Variants in SULF2 observed in about 807,000 individuals in gnomAD.
SULF2 encodes the protein extracellular sulfatase Sulf-2.
Under a neutral mutation model 107.7 loss-of-function variants are expected in SULF2, and 52 were observed. The ratio of observed to expected loss-of-function variants is 0.48; its 90% CI spans 0.39 to 0.61. SULF2 has a LOEUF of 0.61. SULF2 is among the 20% of genes least tolerant of loss of function. The pLI is 0.00. For synonymous variants in SULF2, 460 were observed against 464.3 expected (o/e 0.99, Z 0.12); for missense variants, 993 against 1,177.3 (o/e 0.84, Z 2.29).
chr20:47,710,883 G>A (rs1373424773), intron 3 of SULF2, among the ~76,000 whole-genome samples: 1 of 152,174 alleles, frequency 6.6e-6, no homozygotes, highest in East Asian at 1.9e-4. Flanking sequence ...TGCTCCTGGG[G>A]AACGATTCGG....
intron 5 of SULF2, 30 bp from the exon 6 acceptor site, chr20:47,684,611 A>G: frequency 6.2e-7 from 1 of 1,607,194 alleles, no homozygotes; most frequent in Non-Finnish European, 8.5e-7. Context: ...ACATCGGTCA[A>G]ACCCAGGGAC....
At position 47,741,697 on chromosome 20, in the gene SULF2, G is replaced by A. The variant is rs115531866; in HGVS notation, c.176-4755C>T. Among the ~76,000 whole-genome samples, 1,196 of 152,206 alleles carry A rather than the reference G, an allele frequency of 7.9e-3. 25 individuals are homozygous for A. The highest frequency in any genetic ancestry group is 0.027 in the African/African-American group (1,125 of 41,498). On this transcript the variant is annotated intron_variant, in intron 2 of 20. Coordinates refer to ENST00000688720, the MANE Select transcript of SULF2 (RefSeq NM_001387048.1). Reference sequence around the variant, plus strand: ...TCCTTTGCTCCCTAGTCCCAAACACGAAGGAGAAAGGACGAAGCAGCTGGT... The same window carrying A: ...TCCTTTGCTCCCTAGTCCCAAACACAAAGGAGAAAGGACGAAGCAGCTGGT...
At chr20:47,676,448 T>G (rs2087642940) in intron 10 of SULF2, 46 bp downstream of exon 10, 1 of 1,591,078 alleles carries the variant, frequency 6.3e-7, no homozygotes, top group Non-Finnish European at 8.5e-7. Context: ...CAGGGCCGGC[T>G]GCAGTCAGGA....
intron 18 of SULF2, among the ~76,000 whole-genome samples, chr20:47,661,233 C>T (rs147080783): frequency 5.3e-4 from 81 of 152,190 alleles, no homozygotes; most frequent in Admixed American, 4.1e-3. Context: ...CTTCCTGGAG[C>T]GCCAGCCCTC....
chr20:47,663,740 G>A, intron 15 of SULF2, 118 bp from the exon 16 acceptor site: 2 of 1,206,258 alleles, frequency 1.7e-6, no homozygotes, highest in Non-Finnish European at 2.3e-6. Context: ...AGAGCCATGG[G>A]CATAGCAATT....
intron 3 of SULF2, among the ~76,000 whole-genome samples, chr20:47,734,579 G>T (rs921274448): frequency 1.3e-5 from 2 of 152,198 alleles, no homozygotes; most frequent in Non-Finnish European, 2.9e-5. Context: ...CCAGGGCAAA[G>T]AGGGAAACTA....
chr20:47,709,271 G>C (rs1047916881), intron 3 of SULF2, among the ~76,000 whole-genome samples: 1 of 152,172 alleles, frequency 6.6e-6, no homozygotes, highest in East Asian at 1.9e-4. Flanking sequence ...GGGGGCTGGC[G>C]TGGGGGTGGG....
rs145504861 is a variant in SULF2, at chr20:47,695,855, C to T, written c.568-5560G>A. Among the ~76,000 whole-genome samples the T allele has an allele frequency of 4.5e-3, 686 of 152,330 alleles. 3 individuals carry two copies. The highest frequency in any genetic ancestry group is 0.016 in the African/African-American group (648 of 41,576). On this transcript the variant is annotated intron_variant, in intron 4 of 20. Transcript: ENST00000688720. ...CTCGAACTCCTGGCCTCAAGTGATC[C>T]GCCTGGTTTGGCCTCCCAAAGTGCT...
chr20:47,669,371 G>A (rs1004508649), intron 11 of SULF2, among the ~76,000 whole-genome samples: 8 of 152,166 alleles, frequency 5.3e-5, no homozygotes, highest in African/African-American at 1.9e-4. Flanking sequence ...TTTGGGGTCA[G>A]ATCAAACTCT....
intron 6 of SULF2, among the ~76,000 whole-genome samples, chr20:47,684,058 A>G (rs1321061824): frequency 6.6e-6 from 1 of 152,182 alleles, no homozygotes; most frequent in Non-Finnish European, 1.5e-5. Context: ...ATGTCCTAAC[A>G]TGGATGTGGT....
intron 20 of SULF2, 120 bp from the exon 21 acceptor site, chr20:47,658,512 G>C: frequency 1.8e-6 from 2 of 1,126,170 alleles, no homozygotes; most frequent in Non-Finnish European, 2.7e-6. Flanking sequence ...AATATTTCTA[G>C]GTTACTTAGA....
chr20:47,676,849 T>C (rs1416820283), intron 9 of SULF2, among the ~76,000 whole-genome samples: 1 of 152,226 alleles, frequency 6.6e-6, no homozygotes, highest in Non-Finnish European at 1.5e-5. Context: ...TTAAATAAAT[T>C]GAAGACATTG....
At chr20:47,768,428 T>C (rs1018198021) in intron 1 of SULF2, among the ~76,000 whole-genome samples, 3 of 152,252 alleles carry the variant, frequency 2.0e-5, no homozygotes, top group African/African-American at 7.2e-5. Flanking sequence ...CTTTTTTCAA[T>C]TAGGTCATTC....
chr20:47,743,301 G>A (rs528093408), intron 2 of SULF2, among the ~76,000 whole-genome samples: 2 of 150,082 alleles, frequency 1.3e-5, no homozygotes, highest in African/African-American at 2.5e-5. Context: ...TCTATTCTCC[G>A]TTTGGTGGCC....
chr20:47,775,505 A>G (rs1348346752), intron 1 of SULF2, among the ~76,000 whole-genome samples: 2 of 152,244 alleles, frequency 1.3e-5, no homozygotes, highest in Admixed American at 6.5e-5. Context: ...GTGGTTTGTT[A>G]TACAGCAGAA....
At chr20:47,721,969 G>A (rs558877870) in intron 3 of SULF2, among the ~76,000 whole-genome samples, 7 of 152,272 alleles carry the variant, frequency 4.6e-5, no homozygotes, top group African/African-American at 1.7e-4. Flanking sequence ...GGAGCCCTTG[G>A]AAAGAGGCCT....
intron 11 of SULF2, 50 bp downstream of exon 11, chr20:47,672,148 A>C (rs1230558943): frequency 1.9e-6 from 3 of 1,544,226 alleles, no homozygotes; most frequent in Non-Finnish European, 2.6e-6. Context: ...GGGGCCCCCC[A>C]GGCATGGTCT....
chr20:47,732,753 G>C (rs1006374742), intron 3 of SULF2, among the ~76,000 whole-genome samples: 1 of 152,180 alleles, frequency 6.6e-6, no homozygotes, highest in African/African-American at 2.4e-5. Context: ...TGAGGCAGGA[G>C]AATCGCTTGA....
chr20:47,715,664 C>T lies in SULF2; in HGVS notation c.416-12994G>A, dbSNP rs972620773. Among the ~76,000 whole-genome samples the T allele has an allele frequency of 2.8e-4, 42 of 151,754 alleles. 1 individual carries two copies. The highest frequency in any genetic ancestry group is 9.7e-4 in the African/African-American group (40 of 41,410). On this transcript the variant is annotated intron_variant, in intron 3 of 20. Coordinates refer to ENST00000688720, the MANE Select transcript of SULF2 (RefSeq NM_001387048.1). ...TGGCACGATCTCGGCTCACTGCAAC[C>T]TCTGCCTCCCGGGTTCCAGTGATTC...
Sources: gnomAD v4.1 joint callset for allele counts (sites outside exome capture counted in the v4.1 genomes callset) on GRCh38, gnomAD v4.1.1 for gene constraint, MANE v1.5 for transcripts, NCBI Gene and HGNC (gene_info 2026-07-23, HGNC 2026-07-21) for gene names.